The following SEC11A variants were observed in gnomAD, a reference collection of about 807,000 sequenced individuals.
SEC11A encodes the protein signal peptidase complex catalytic subunit SEC11A.
SEC11A carries 14 observed loss-of-function variants against 25.6 expected under a neutral mutation model. The observed-to-expected ratio is 0.55, with a 90% CI of 0.36 to 0.85. The LOEUF (loss-of-function observed/expected upper bound fraction) is 0.85, where lower values mean the gene tolerates loss of function less well. Among genes scored for constraint, SEC11A ranks in the 40% least tolerant of loss-of-function variants. The pLI is 0.01. For missense variants in SEC11A, 153 were observed against 222.9 expected (o/e 0.69, Z 2.00); for synonymous variants, 83 against 76.4 (o/e 1.09, Z -0.45).
intron 3 of SEC11A, among the ~76,000 whole-genome samples, chr15:84,681,579 G>A (rs1230920168): frequency 6.6e-6 from 1 of 152,058 alleles, no homozygotes; most frequent in African/African-American, 2.4e-5. Context: ...GCAGTGAGCC[G>A]AGATCACGCC....
intron 5 of SEC11A, 134 bp from the exon 6 acceptor site, chr15:84,670,203 T>A: frequency 1.3e-6 from 1 of 774,566 alleles, no homozygotes; most frequent in Non-Finnish European, 2.0e-6. Flanking sequence ...TTAACTATAA[T>A]CCATTTAAAA....
chr15:84,703,611 C>G (rs906689356), intron 1 of SEC11A, among the ~76,000 whole-genome samples: 2 of 152,126 alleles, frequency 1.3e-5, no homozygotes, highest in African/African-American at 4.8e-5. Flanking sequence ...GAAGAGAAAT[C>G]CTCCCAATGG....
chr15:84,703,693 T>G (rs1445784188), intron 1 of SEC11A, among the ~76,000 whole-genome samples: 1 of 152,182 alleles, frequency 6.6e-6, no homozygotes, highest in East Asian at 1.9e-4. Context: ...AGATTTACAT[T>G]GATTCAAAAA....
chr15:84,687,084 C>G (rs762750109), intron 3 of SEC11A: 1 of 152,196 alleles, frequency 6.6e-6, no homozygotes, highest in South Asian at 2.1e-4. Context: ...GTTAGCCAGG[C>G]TGGTCTCGAA....
At chr15:84,680,074 T>C in intron 4 of SEC11A, 1 of 680,048 alleles carries the variant, frequency 1.5e-6, no homozygotes, top group Non-Finnish European at 2.5e-6. Context: ...CTAATTTGGA[T>C]GAACACTTTT....
chr15:84,670,823 G>A (rs1398171914), intron 4 of SEC11A, 41 bp from the exon 5 acceptor site: 8 of 967,260 alleles, frequency 8.3e-6, no homozygotes, highest in South Asian at 1.6e-5. Flanking sequence ...AATTTCCGAT[G>A]TAAAGCAGCT....
chr15:84,683,700 T>G (rs150660411), intron 3 of SEC11A, among the ~76,000 whole-genome samples: 2,974 of 152,186 alleles, frequency 0.02, 52 homozygotes, highest in South Asian at 0.035. Flanking sequence ...AATTTTTGTA[T>G]TATTAGTAGA....
intron 1 of SEC11A, among the ~76,000 whole-genome samples, chr15:84,701,584 A>G (rs985762745): frequency 6.6e-6 from 1 of 152,100 alleles, no homozygotes; most frequent in African/African-American, 2.4e-5. Context: ...CTATACTTAG[A>G]AGTTAAATAT....
At position 84,715,448 on chromosome 15, in the gene SEC11A, C is replaced by T. The variant is rs1898429701; in HGVS notation, c.51+577G>A. Among the ~76,000 whole-genome samples the T allele has an allele frequency of 2.0e-5, 3 of 152,298 alleles. No individual in the cohort carries two copies. The South Asian group carries it at 6.2e-4, about 32-fold the overall frequency. On this transcript the variant is annotated intron_variant, in intron 1 of 5. Transcript: ENST00000268220. ...TAAAACCATAGATTCCGAGGGCTGC[C>T]GCCTTAGTGCTAAGCGGACGCAAGG...
chr15:84,676,730 G>C (rs891957222), intron 4 of SEC11A, among the ~76,000 whole-genome samples: 1 of 151,092 alleles, frequency 6.6e-6, no homozygotes, highest in Non-Finnish European at 1.5e-5. Context: ...AGGTTGCAGT[G>C]AGCTAAGATA....
chr15:84,706,431 G>T (rs1260803685), intron 1 of SEC11A, among the ~76,000 whole-genome samples: 2 of 152,066 alleles, frequency 1.3e-5, no homozygotes, highest in African/African-American at 4.8e-5. Flanking sequence ...CTGGAATATA[G>T]GGGATCTCTG....
At position 84,693,249 on chromosome 15, in the gene SEC11A, T is replaced by C. The variant is rs570703447; in HGVS notation, c.52-1605A>G. On this transcript the variant is annotated intron_variant, in intron 1 of 5. Transcript: ENST00000268220. ...TCTAGATTAAAAAGTACTAAAGAGATATAACAACCAAATGTAACGCACAAA... is the reference window on the plus strand; with the variant it reads ...TCTAGATTAAAAAGTACTAAAGAGACATAACAACCAAATGTAACGCACAAA... Among the ~76,000 whole-genome samples the C allele has an allele frequency of 7.2e-5, 11 of 152,164 alleles. No homozygotes were observed. The South Asian group carries it at 2.3e-3, about 32-fold the overall frequency.
intron 1 of SEC11A, among the ~76,000 whole-genome samples, chr15:84,712,370 G>A (rs1898303078): frequency 1.3e-5 from 2 of 152,104 alleles, no homozygotes; most frequent in South Asian, 4.1e-4. Flanking sequence ...CATTGCTGGT[G>A]AAAGGCAAAA....
At chr15:84,691,992 G>T in intron 1 of SEC11A, 1 of 162,522 alleles carries the variant, frequency 6.2e-6, no homozygotes, top group South Asian at 1.9e-4. Context: ...ATCTGTCTCT[G>T]CTTCTGAACT....
chr15:84,691,072 T>TC (rs1567038990), intron 2 of SEC11A, among the ~76,000 whole-genome samples: 4 of 104,896 alleles, frequency 3.8e-5, no homozygotes, highest in African/African-American at 1.5e-4. Flanking sequence ...TTCTTTTCTC[T>TC]CTTTTTTTTT....
intron 1 of SEC11A, among the ~76,000 whole-genome samples, chr15:84,697,606 T>C (rs1173495503): frequency 6.6e-6 from 1 of 152,238 alleles, no homozygotes; most frequent in Non-Finnish European, 1.5e-5. Flanking sequence ...AAAAGTGTCA[T>C]ACTCTTCTCC....
At chr15:84,706,376 G>A (rs1403631843) in intron 1 of SEC11A, among the ~76,000 whole-genome samples, 1 of 152,150 alleles carries the variant, frequency 6.6e-6, no homozygotes, top group Non-Finnish European at 1.5e-5. Flanking sequence ...CTGACCATCA[G>A]AGAGAAATAG....
Position 84,716,099 on chromosome 15 carries a change from C to A in SEC11A, c.-24G>T. ...ATGGCGGGGACGGCGAGCAGGACAC[C>A]GGCAGGGGAAAGGGCGCGATGACCA... On this transcript the variant is annotated 5_prime_UTR_variant, in exon 1 of 6. Transcript: ENST00000268220. The A allele has an allele frequency of 1.2e-5, 20 of 1,612,518 alleles. No homozygotes were observed. Among genetic ancestry groups the A allele is most frequent in the Non-Finnish European group, 1.7e-5 (20 of 1,179,004 alleles).
chr15:84,671,792 G>T (rs1358094735), intron 4 of SEC11A: 1 of 152,122 alleles, frequency 6.6e-6, no homozygotes, highest in Admixed American at 6.6e-5. Context: ...TGAATGTCCG[G>T]GCCTTTTCTT....
Sources: gnomAD v4.1 joint callset for allele counts (sites outside exome capture counted in the v4.1 genomes callset) on GRCh38, gnomAD v4.1.1 for gene constraint, MANE v1.5 for transcripts, NCBI Gene and HGNC (gene_info 2026-07-23, HGNC 2026-07-21) for gene names.